The following JDP2 variants were observed in gnomAD, a reference collection of about 807,000 sequenced individuals.
JDP2 encodes Jun dimerization protein 2.
Under a neutral mutation model 17.1 loss-of-function variants are expected in JDP2, and 9 were observed. The observed-to-expected ratio is 0.53, with a 90% confidence interval of 0.32 to 0.92. The LOEUF (loss-of-function observed/expected upper bound fraction) is 0.92, where lower values mean the gene tolerates loss of function less well. Ranked by LOEUF, JDP2 falls within the 40% of genes least tolerant of loss-of-function variation. The pLI, the probability that JDP2 is intolerant of heterozygous loss-of-function variation, is 0.04. For synonymous variants in JDP2, 107 were observed against 95.6 expected, an observed-to-expected ratio of 1.12 and a Z score of -0.69; for missense variants, 179 against 220.0, an observed-to-expected ratio of 0.81 and a Z score of 1.18.
chr14:75,457,298 G>A (rs1271473600), intron 2 of JDP2, among the ~76,000 whole-genome samples: 1 of 152,268 alleles, frequency 6.6e-6, no homozygotes, highest in African/African-American at 2.4e-5. Context: ...CACCAGGAAG[G>A]AGGAGGCAGC....
intron 2 of JDP2, among the ~76,000 whole-genome samples, chr14:75,459,314 A>G (rs1207374972): frequency 6.6e-6 from 1 of 152,072 alleles, no homozygotes; most frequent in Non-Finnish European, 1.5e-5. Flanking sequence ...CCAGGTTTCT[A>G]TTTTCCCAGA....
intron 1 of JDP2, among the ~76,000 whole-genome samples, chr14:75,432,619 G>A (rs1460096271): frequency 2.0e-5 from 3 of 152,150 alleles, no homozygotes; most frequent in East Asian, 1.9e-4. Flanking sequence ...CCGCACCCAC[G>A]TGCACACCCA....
chr14:75,431,648 C>T (rs2140031738), intron 1 of JDP2, among the ~76,000 whole-genome samples: 1 of 152,356 alleles, frequency 6.6e-6, no homozygotes, highest in African/African-American at 2.4e-5. Flanking sequence ...TCTACCCAGC[C>T]CTGACCTGGC....
At chr14:75,434,729 A>G (rs1486559366) in intron 1 of JDP2, among the ~76,000 whole-genome samples, 2 of 152,006 alleles carry the variant, frequency 1.3e-5, no homozygotes, top group African/African-American at 4.8e-5. Flanking sequence ...TCTCCCAGAG[A>G]TGGAAGGCTT....
chr14:75,462,567 C>G (rs1384373502), intron 3 of JDP2, among the ~76,000 whole-genome samples: 1 of 152,136 alleles, frequency 6.6e-6, no homozygotes, highest in East Asian at 1.9e-4. Context: ...GCTATATTGG[C>G]ATTCATTCAT....
intron 3 of JDP2, among the ~76,000 whole-genome samples, chr14:75,462,880 G>A (rs1177699390): frequency 6.6e-6 from 1 of 152,234 alleles, no homozygotes. Context: ...TTGTAGATTA[G>A]AGTTAGATTC....
At chr14:75,445,720 G>A (rs771630491) in intron 2 of JDP2, 14 of 403,828 alleles carry the variant, frequency 3.5e-5, no homozygotes, top group Admixed American at 1.9e-4. Flanking sequence ...ACTCTTAGAA[G>A]AAAACAGCTG....
At chr14:75,461,351 C>A in intron 2 of JDP2, 75 bp from the exon 3 acceptor site, 1 of 1,108,186 alleles carries the variant, frequency 9.0e-7, no homozygotes, top group Non-Finnish European at 1.3e-6. Context: ...AGTTGTCCCT[C>A]TGTCTATGTG....
Position 75,437,844 on chromosome 14 carries a change from C to T in JDP2, c.-23-54C>T, listed in dbSNP as rs540169723. On this transcript the variant is annotated intron_variant, in intron 1 of 3. Coordinates refer to ENST00000651602, the MANE Select transcript of JDP2 (RefSeq NM_001135048.2). ...CCTGGCAAGACGAGGGACTTGAGCCCTCCTGGAGCCCCCAACCTGGCTGAC... is the reference window on the plus strand; with the variant it reads ...CCTGGCAAGACGAGGGACTTGAGCCTTCCTGGAGCCCCCAACCTGGCTGAC... 1.9e-5 allele frequency: 25 copies of T among 1,334,480 alleles called. No homozygotes were observed. In the African/African-American group the frequency reaches 3.3e-4, roughly 18 times the overall value. 82.7% of individuals were successfully genotyped at this position (1,334,480 alleles called of 1,614,324 possible).
intron 1 of JDP2, 117 bp from the exon 2 acceptor site, chr14:75,437,779 GAA>G (rs1263900788): frequency 1.5e-6 from 1 of 664,290 alleles, no homozygotes; most frequent in Non-Finnish European, 2.4e-6. Flanking sequence ...AGCTGGGTGG[GAA>G]AGGGATTCAG....
At chr14:75,442,842 T>C (rs972953298) in intron 2 of JDP2, among the ~76,000 whole-genome samples, 1 of 152,186 alleles carries the variant, frequency 6.6e-6, no homozygotes, top group Non-Finnish European at 1.5e-5. Context: ...GGAATGTGAC[T>C]CTTTGCGGTT....
rs763873113 is a variant in JDP2, at chr14:75,432,309, G to T, written c.-24+4057G>T. 3.2e-6 allele frequency: 5 copies of T among 1,551,346 alleles called. No homozygotes were observed. The South Asian group carries it at 5.9e-5, about 18-fold the overall frequency. On this transcript the variant is annotated intron_variant, in intron 1 of 3. Transcript: ENST00000651602. ...CTTAGCTCCAAGAAGAGGCTTGGTG[G>T]TTGATTCTCCAAGATTCATGGTAGC... is the stretch of plus-strand genomic sequence containing the variant.
At chr14:75,436,814 C>G (rs147664470) in intron 1 of JDP2, among the ~76,000 whole-genome samples, 122 of 152,370 alleles carry the variant, frequency 8.0e-4, no homozygotes, top group African/African-American at 2.8e-3. Context: ...TAATTTACAT[C>G]CTTCTTCCAT....
intron 3 of JDP2, among the ~76,000 whole-genome samples, chr14:75,467,256 C>T (rs1171933547): frequency 6.6e-6 from 1 of 152,218 alleles, no homozygotes; most frequent in Non-Finnish European, 1.5e-5. Flanking sequence ...TCAGGGTTCT[C>T]CACCCGCAAG....
At position 75,469,557 on chromosome 14, in the gene JDP2, G is replaced by A. The variant is rs1039594807; in HGVS notation, c.*82G>A. The A allele has an allele frequency of 1.2e-5, 16 of 1,289,974 alleles. No homozygotes were observed. The South Asian group carries it at 2.0e-4, about 16-fold the overall frequency. The allele number at this position is 1,289,974 out of a possible 1,614,324, so 79.9% of individuals were successfully genotyped here. ...GAGAGGAGGAGGGGGGCCCCAGATG[G>A]CCCTTCCTTTGGTGCATGAAAAACT... On this transcript the variant is annotated 3_prime_UTR_variant, in exon 4 of 4. Coordinates refer to ENST00000651602, the MANE Select transcript of JDP2 (RefSeq NM_001135048.2).
chr14:75,469,341 G>C lies in JDP2; in HGVS notation c.358G>C (p.Glu120Gln). ...MNAELKTQIEELKQERQQLIL... is the reference protein window; with the variant it reads ...MNAELKTQIEQLKQERQQLIL... The stretch of plus-strand genomic sequence containing the variant: ...CGCAGAGCTGAAGACCCAGATTGAG[G>C]AGCTGAAGCAGGAGCGGCAGCAGCT... The change falls in exon 4 of 4, where the codon GAG becomes CAG. Residue 120 changes from glutamate to glutamine, a missense_variant. Glu to Gln is a conservative substitution (Grantham distance 29). Coordinates refer to ENST00000651602, the MANE Select transcript of JDP2 (RefSeq NM_001135048.2). 6.2e-7 allele frequency: 1 copy of C among 1,614,174 alleles called. No individual in the cohort carries two copies. Among genetic ancestry groups the C allele is most frequent in the Non-Finnish European group, 8.5e-7 (1 of 1,180,028 alleles).
At chr14:75,440,232 T>A (rs1410111279) in intron 2 of JDP2, among the ~76,000 whole-genome samples, 2 of 152,298 alleles carry the variant, frequency 1.3e-5, no homozygotes, top group East Asian at 3.9e-4. Context: ...GCTGTCAGAC[T>A]GCAGTGTTGT....
At chr14:75,448,386 C>A (rs560552687) in intron 2 of JDP2, among the ~76,000 whole-genome samples, 2 of 152,170 alleles carry the variant, frequency 1.3e-5, no homozygotes, top group Non-Finnish European at 2.9e-5. Flanking sequence ...AATAAGCCCC[C>A]CAGGGGATTC....
intron 1 of JDP2, chr14:75,432,195 G>A: frequency 1.2e-6 from 1 of 845,400 alleles, no homozygotes; most frequent in Non-Finnish European, 1.9e-6. Context: ...CCATCATCTT[G>A]CTTCTCGCCT....
Sources: gnomAD v4.1 joint callset for allele counts (sites outside exome capture counted in the v4.1 genomes callset) on GRCh38, gnomAD v4.1.1 for gene constraint, MANE v1.5 for transcripts, NCBI Gene and HGNC (gene_info 2026-07-23, HGNC 2026-07-21) for gene names.